Variants in RYR2 observed in about 807,000 individuals in gnomAD.
RYR2 encodes the protein cardiac muscle ryanodine receptor-calcium release channel.
Under a neutral mutation model 601.1 loss-of-function variants are expected in RYR2, and 227 were observed. That is an observed-to-expected ratio of 0.38 (90% CI 0.34 to 0.42). The LOEUF (loss-of-function observed/expected upper bound fraction) is 0.42, where lower values mean the gene tolerates loss of function less well. Ranked by LOEUF, RYR2 falls within the 10% of genes least tolerant of loss-of-function variation. The pLI is 1.00. For synonymous variants in RYR2, 2,223 were observed against 2,175.1 expected, an observed-to-expected ratio of 1.02 and a Z score of -0.61; for missense variants, 4,646 against 6,156.5, an observed-to-expected ratio of 0.75 and a Z score of 8.21.
intron 60 of RYR2, among the ~76,000 whole-genome samples, chr1:237,676,509 T>C (rs1299409153): frequency 6.6e-6 from 1 of 152,152 alleles, no homozygotes; most frequent in East Asian, 1.9e-4. Context: ...TCACAACTCC[T>C]GATGTTGTGT....
At chr1:237,406,871 C>A (rs2149974714) in intron 10 of RYR2, among the ~76,000 whole-genome samples, 1 of 152,196 alleles carries the variant, frequency 6.6e-6, no homozygotes, top group Non-Finnish European at 1.5e-5. Context: ...ATTCTTAATT[C>A]TCTAAATTAG....
At chr1:237,473,846 G>A (rs1661063405) in intron 17 of RYR2, among the ~76,000 whole-genome samples, 1 of 151,806 alleles carries the variant, frequency 6.6e-6, no homozygotes, top group Non-Finnish European at 1.5e-5. Context: ...ATAATGACAA[G>A]CATTACCTCT....
At chr1:237,367,424 T>G (rs2149743177) in intron 5 of RYR2, among the ~76,000 whole-genome samples, 1 of 152,346 alleles carries the variant, frequency 6.6e-6, no homozygotes, top group East Asian at 1.9e-4. Flanking sequence ...GCAGTTTTTC[T>G]TATTTTAATA....
chr1:237,311,347 T>C (rs145967805), intron 2 of RYR2, among the ~76,000 whole-genome samples: 4,357 of 152,268 alleles, frequency 0.029, 98 homozygotes, highest in Non-Finnish European at 0.046. Flanking sequence ...ACAAATCTTA[T>C]CTTATGGGGT....
intron 1 of RYR2, among the ~76,000 whole-genome samples, chr1:237,195,355 G>T (rs961462202): frequency 1.2e-4 from 18 of 152,184 alleles, no homozygotes; most frequent in Non-Finnish European, 2.5e-4. Flanking sequence ...CCACGTTCAA[G>T]TGATTCTCCT....
chr1:237,555,379 T>C (rs1670779807), intron 27 of RYR2, among the ~76,000 whole-genome samples: 1 of 152,072 alleles, frequency 6.6e-6, no homozygotes, highest in Admixed American at 6.5e-5. Flanking sequence ...CTAGAGGATG[T>C]AGGTAGCAGT....
rs371970382 is a variant in RYR2, at chr1:237,711,884, A to C, written c.10323+47A>C. On this transcript the variant is annotated intron_variant, in intron 71 of 104. Coordinates refer to ENST00000366574, the MANE Select transcript of RYR2 (RefSeq NM_001035.3). Reference sequence around the variant, plus strand: ...CTGTTCTGGAAAATATCTGAATGTGACTTTCATGAATTGACTTTTTTTTTT... The same window carrying C: ...CTGTTCTGGAAAATATCTGAATGTGCCTTTCATGAATTGACTTTTTTTTTT... The C allele has an allele frequency of 1.6e-5, 14 of 872,898 alleles. No individual in the cohort carries two copies. In the African/African-American group the frequency reaches 2.2e-4, roughly 14 times the overall value. 54.1% of individuals were successfully genotyped at this position (872,898 alleles called of 1,614,324 possible).
intron 2 of RYR2, among the ~76,000 whole-genome samples, chr1:237,308,793 G>A (rs905255778): frequency 2.0e-5 from 3 of 152,220 alleles, no homozygotes; most frequent in Admixed American, 1.3e-4. Flanking sequence ...ACCTGAGCAG[G>A]TTGCCTCTGC....
chr1:237,148,931 G>T (rs573132984), intron 1 of RYR2, among the ~76,000 whole-genome samples: 1 of 152,118 alleles, frequency 6.6e-6, no homozygotes, highest in Admixed American at 6.5e-5. Flanking sequence ...GGGAAATCCA[G>T]CCCCCTACCC....
intron 30 of RYR2, 62 bp downstream of exon 30, chr1:237,590,063 A>G (rs1674978757): frequency 4.2e-6 from 6 of 1,445,318 alleles, no homozygotes; most frequent in African/African-American, 2.8e-5. Flanking sequence ...ATCTTTATAC[A>G]AAGGAACTTC....
Position 237,705,258 on chromosome 1 carries a change from T to G in RYR2, c.9495T>G (p.Ala3165=). The part of the protein sequence containing the change: ...LGECLAAFAG[A]FPVAFLETHL... Reference sequence around the variant, plus strand: ...AATGTCTAGCTGCCTTTGCTGGTGCTTTTCCTGTAGCATTTTTGGAAACTC... The same window carrying G: ...AATGTCTAGCTGCCTTTGCTGGTGCGTTTCCTGTAGCATTTTTGGAAACTC... The change falls in exon 67 of 105, where the codon GCT becomes GCG. Residue 3165 remains alanine (A), a synonymous_variant. Coordinates refer to ENST00000366574, the MANE Select transcript of RYR2 (RefSeq NM_001035.3). 3.7e-6 allele frequency: 6 copies of G among 1,606,802 alleles called. No individual in the cohort carries two copies. The highest frequency in any genetic ancestry group is 5.1e-6 in the Non-Finnish European group (6 of 1,175,766).
At chr1:237,473,927 A>G (rs1218747746) in intron 17 of RYR2, among the ~76,000 whole-genome samples, 3 of 152,098 alleles carry the variant, frequency 2.0e-5, no homozygotes, top group Non-Finnish European at 4.4e-5. Context: ...TCAACATTTC[A>G]TGAATTTACT....
At chr1:237,435,209 C>T (rs1707221629) in intron 12 of RYR2, among the ~76,000 whole-genome samples, 2 of 152,170 alleles carry the variant, frequency 1.3e-5, no homozygotes, top group South Asian at 4.1e-4. Context: ...GAATAACTTA[C>T]TATGTGTCAA....
chr1:237,195,877 CA>C (rs2149023882), intron 1 of RYR2, among the ~76,000 whole-genome samples: 1 of 152,282 alleles, frequency 6.6e-6, no homozygotes, highest in African/African-American at 2.4e-5. Context: ...CCGACGTTAA[CA>C]TTGCTTATTA....
At chr1:237,499,334 A>G (rs949758383) in intron 20 of RYR2, among the ~76,000 whole-genome samples, 3 of 152,164 alleles carry the variant, frequency 2.0e-5, no homozygotes, top group African/African-American at 7.2e-5. Context: ...AGAGGACCAA[A>G]AGTATAAAAA....
chr1:237,427,426 T>C, intron 12 of RYR2, among the ~76,000 whole-genome samples: 1 of 152,086 alleles, frequency 6.6e-6, no homozygotes, highest in Non-Finnish European at 1.5e-5. Context: ...TATGCTGACA[T>C]TAAGAGGCAC....
In RYR2 at chr1:237,708,914, T is replaced by G. The variant is rs986776770; in HGVS notation, c.9958T>G (p.Leu3320Val). The G allele has an allele frequency of 6.2e-7, 1 of 1,612,606 alleles. No homozygotes were observed. Among genetic ancestry groups the G allele is most frequent in the African/African-American group, 1.3e-5 (1 of 75,018 alleles). The change falls in exon 69 of 105, where the codon TTG becomes GTG. Residue 3320 changes from leucine (L) to valine (V), a missense_variant. Around this residue, in one of 17 missense-constraint regions of RYR2, gnomAD observed 1,497 missense variants for 1,842.6 expected, o/e 0.81. Transcript: ENST00000366574. Reference protein sequence around the residue: ...VKPQLLKTHFLPLMEKLKKKA... With the variant: ...VKPQLLKTHFVPLMEKLKKKA... ...ACCTCAGCTCTTGAAAACTCATTTC[T>G]TGCCGTTAATGGAGAAACTCAAGAA...
chr1:237,605,810 A>T (rs563462527), intron 35 of RYR2, among the ~76,000 whole-genome samples: 8 of 152,060 alleles, frequency 5.3e-5, no homozygotes, highest in African/African-American at 1.9e-4. Context: ...GTGAACTCCC[A>T]TTCACAATTG....
intron 10 of RYR2, among the ~76,000 whole-genome samples, chr1:237,401,431 G>A (rs1455473895): frequency 6.6e-6 from 1 of 152,114 alleles, no homozygotes. Flanking sequence ...AATCCCTTTA[G>A]ATTCAATAAC....
Sources: gnomAD v4.1 joint callset for allele counts (sites outside exome capture counted in the v4.1 genomes callset) on GRCh38, gnomAD v4.1.1 for gene constraint, gnomAD v4.1.1 regional missense constraint, MANE v1.5 for transcripts, NCBI Gene and HGNC (gene_info 2026-07-23, HGNC 2026-07-21) for gene names.